The following DPP6 variants were observed in gnomAD, a reference collection of about 807,000 sequenced individuals.
DPP6 encodes the protein A-type potassium channel modulatory protein DPP6.
A neutral mutation model predicts 122.6 loss-of-function variants in DPP6; 69 were observed. The ratio of observed to expected loss-of-function variants is 0.56; its 90% CI spans 0.46 to 0.69. DPP6 has a LOEUF of 0.69. Among genes scored for constraint, DPP6 ranks in the 30% least tolerant of loss-of-function variants. DPP6 has a pLI of 0.00. For synonymous variants in DPP6, 418 were observed against 433.1 expected (o/e 0.97, Z 0.43); for missense variants, 928 against 1,116.9 (o/e 0.83, Z 2.41).
chr7:154,191,804 G>T (rs891286275), intron 1 of DPP6, among the ~76,000 whole-genome samples: 1 of 152,158 alleles, frequency 6.6e-6, no homozygotes, highest in African/African-American at 2.4e-5. Flanking sequence ...TGTTGTTTCT[G>T]TTCTTACCTG....
chr7:154,589,103 C>A (rs531563751), intron 5 of DPP6, among the ~76,000 whole-genome samples: 2 of 152,300 alleles, frequency 1.3e-5, no homozygotes, highest in Admixed American at 1.3e-4. Flanking sequence ...CCTGATCACA[C>A]CCTGCACAAG....
chr7:153,906,247 G>A (rs958270335), intron 1 of DPP6, among the ~76,000 whole-genome samples: 9 of 152,050 alleles, frequency 5.9e-5, no homozygotes, highest in East Asian at 1.9e-4. Flanking sequence ...GTTGTGTTAC[G>A]CGGATATAGT....
At chr7:153,845,798 TTC>T in the DPP6 span, among the ~76,000 whole-genome samples, 1 of 152,174 alleles carries the variant, frequency 6.6e-6, no homozygotes, top group African/African-American at 2.4e-5. Context: ...TATAATCAAT[TTC>T]TTTTTCAAAT....
intron 1 of DPP6, among the ~76,000 whole-genome samples, chr7:154,188,769 A>G (rs901194073): frequency 5.3e-5 from 8 of 152,244 alleles, no homozygotes; most frequent in African/African-American, 1.7e-4. Context: ...ACAAGCCTCT[A>G]TGTACTTAAA....
chr7:154,385,378 C>T (rs1814015562), intron 1 of DPP6, among the ~76,000 whole-genome samples: 2 of 152,198 alleles, frequency 1.3e-5, no homozygotes, highest in South Asian at 4.1e-4. Context: ...GGAGAGAAGA[C>T]AAGCTGACAG....
chr7:153,864,693 A>G, the DPP6 span, among the ~76,000 whole-genome samples: 2 of 150,202 alleles, frequency 1.3e-5, no homozygotes, highest in Non-Finnish European at 3.0e-5. Context: ...ACACACACAC[A>G]CACACACACA....
intron 10 of DPP6, among the ~76,000 whole-genome samples, chr7:154,786,738 C>A (rs371622573): frequency 2.5e-4 from 38 of 152,300 alleles, no homozygotes; most frequent in Middle Eastern, 3.4e-3. Context: ...CTCTGCAAAT[C>A]ACCTTTTTTC....
intron 1 of DPP6, among the ~76,000 whole-genome samples, chr7:153,899,167 TTCTTCCTTCTCC>T: frequency 6.6e-6 from 1 of 151,718 alleles, no homozygotes; most frequent in South Asian, 2.1e-4. Context: ...CCTCCTCCTC[TTCTTCCTTCTCC>T]TCTTCCTCTT....
intron 1 of DPP6, among the ~76,000 whole-genome samples, chr7:154,033,218 T>C (rs1363907613): frequency 6.6e-6 from 1 of 152,224 alleles, no homozygotes; most frequent in Non-Finnish European, 1.5e-5. Flanking sequence ...CTGTGTTGTG[T>C]GCTGTGGATG....
In DPP6 at chr7:154,076,268, G is replaced by A. The variant is rs144471233; in HGVS notation, c.243+23205G>A. On this transcript the variant is annotated intron_variant, in intron 1 of 25. Transcript: ENST00000377770. ...AGTTCAAGACCAGCCTCGCCAAAAC[G>A]GTGAACCCCTGTCCCTACTAAAAAT... 2.9e-3 allele frequency among the ~76,000 whole-genome samples: 436 copies of A among 152,218 alleles called. 16 individuals carry two copies. In the East Asian group the frequency reaches 0.068, roughly 24 times the overall value.
intron 1 of DPP6, among the ~76,000 whole-genome samples, chr7:154,075,386 G>T (rs1310033653): frequency 6.6e-6 from 1 of 151,464 alleles, no homozygotes; most frequent in African/African-American, 2.4e-5. Flanking sequence ...ACTCACAATT[G>T]CAAAAATATG....
chr7:153,963,885 G>A (rs1343341055), intron 1 of DPP6, among the ~76,000 whole-genome samples: 2 of 152,202 alleles, frequency 1.3e-5, no homozygotes, highest in Non-Finnish European at 2.9e-5. Context: ...ACGAGGCCTG[G>A]TTGAGCTCTG....
At chr7:154,304,554 C>T (rs1806127431) in intron 1 of DPP6, among the ~76,000 whole-genome samples, 1 of 151,442 alleles carries the variant, frequency 6.6e-6, no homozygotes. Flanking sequence ...GGTCATCACA[C>T]AGGCTGGAAT....
At chr7:153,837,862 T>TTTTTTTTTTTTTTTTTTTTTTTTTG in the DPP6 span, among the ~76,000 whole-genome samples, 1 of 146,620 alleles carries the variant, frequency 6.8e-6, no homozygotes, top group Admixed American at 6.8e-5. Flanking sequence ...TTTTTTTTTT[T>TTTTTTTTTTTTTTTTTTTTTTTTTG]AGTAGAGATG....
the DPP6 span, among the ~76,000 whole-genome samples, chr7:153,781,330 A>G: frequency 6.6e-6 from 1 of 152,198 alleles, no homozygotes; most frequent in Non-Finnish European, 1.5e-5. Flanking sequence ...TCCGAGATCA[A>G]AATTCCCCAG....
chr7:153,979,733 T>A (rs917972456), intron 1 of DPP6, among the ~76,000 whole-genome samples: 2 of 152,212 alleles, frequency 1.3e-5, no homozygotes, highest in African/African-American at 4.8e-5. Flanking sequence ...ATACCTAGTT[T>A]ATTGAGTGTT....
At chr7:154,433,326 A>AT (rs1288200895) in intron 1 of DPP6, among the ~76,000 whole-genome samples, 2 of 51,228 alleles carry the variant, frequency 3.9e-5, no homozygotes, top group African/African-American at 1.5e-4. Context: ...TAATTTTTGC[A>AT]TTTTTTTTGT....
intron 1 of DPP6, among the ~76,000 whole-genome samples, chr7:153,976,777 T>C (rs1224180157): frequency 6.6e-6 from 1 of 152,190 alleles, no homozygotes. Context: ...AGGATGCCCA[T>C]GGGGACTTGA....
chr7:154,324,784 T>C (rs555688784), intron 1 of DPP6, among the ~76,000 whole-genome samples: 1 of 152,288 alleles, frequency 6.6e-6, no homozygotes, highest in Admixed American at 6.5e-5. Context: ...CTGGTGTTTA[T>C]GTGGTCCGTC....
Sources: allele counts gnomAD v4.1 joint callset (sites outside exome capture counted in the v4.1 genomes callset), GRCh38; gene constraint gnomAD v4.1.1; transcripts MANE v1.5; gene names NCBI Gene and HGNC (gene_info 2026-07-23, HGNC 2026-07-21).